The following CCNF variants were observed in gnomAD, a reference collection of about 807,000 sequenced individuals.
The protein encoded by CCNF is cyclin-F.
CCNF carries 30 observed loss-of-function variants against 85.4 expected under a neutral mutation model. The observed-to-expected ratio is 0.35, with a 90% CI of 0.26 to 0.48. The LOEUF (loss-of-function observed/expected upper bound fraction) is 0.48, where lower values mean the gene tolerates loss of function less well. CCNF is among the 20% of genes least tolerant of loss of function. CCNF has a pLI of 0.99. For synonymous variants in CCNF, 439 were observed against 425.1 expected, an observed-to-expected ratio of 1.03 and a Z score of -0.40; for missense variants, 919 against 1,010.4, an observed-to-expected ratio of 0.91 and a Z score of 1.23.
At chr16:2,429,627 C>T (rs1234518356) in intron 1 of CCNF, 130 bp downstream of exon 1, 1 of 945,454 alleles carries the variant, frequency 1.1e-6, no homozygotes, top group East Asian at 3.6e-5. Context: ...CTCTTTAACC[C>T]GGGGCGGATG....
At chr16:2,432,815 TCA>T in intron 2 of CCNF, 144 bp from the exon 3 acceptor site, 1 of 560,094 alleles carries the variant, frequency 1.8e-6, no homozygotes, top group Non-Finnish European at 3.2e-6. Context: ...ACAGTTACTT[TCA>T]CACAGAGATT....
At chr16:2,439,562 C>A in intron 7 of CCNF, 105 bp downstream of exon 7, 1 of 959,992 alleles carries the variant, frequency 1.0e-6, no homozygotes, top group Non-Finnish European at 1.6e-6. Context: ...GTGGCTCTTG[C>A]TGCTCCCGGT....
At chr16:2,455,841 T>C (rs2065424420) in intron 16 of CCNF, among the ~76,000 whole-genome samples, 1 of 152,148 alleles carries the variant, frequency 6.6e-6, no homozygotes, top group African/African-American at 2.4e-5. Context: ...TGGGAGGACC[T>C]CACTAGGATG....
At chr16:2,443,092 TAG>T (rs2065341045) in intron 8 of CCNF, among the ~76,000 whole-genome samples, 4 of 44,228 alleles carry the variant, frequency 9.0e-5, no homozygotes, top group African/African-American at 7.8e-4. Flanking sequence ...TTATATATAA[TAG>T]ATATTTTTAT....
In CCNF at chr16:2,445,488, T is replaced by A; in HGVS notation, c.960T>A (p.Val320=). The change falls in exon 10 of 17, where the codon GTT becomes GTA. Residue 320 remains valine, a synonymous_variant. Coordinates refer to ENST00000397066, the MANE Select transcript of CCNF (RefSeq NM_001761.3). ...TTCTGATCGACTGGCTGGTGGAAGTTGCCACCATGAAGGACTTCACAAGCC... is the reference window on the plus strand; with the variant it reads ...TTCTGATCGACTGGCTGGTGGAAGTAGCCACCATGAAGGACTTCACAAGCC... The part of the protein sequence containing the change: ...RYILIDWLVE[V]ATMKDFTSLC... The A allele has an allele frequency of 6.2e-7, 1 of 1,614,010 alleles. No individual in the cohort carries two copies. Among genetic ancestry groups the A allele is most frequent in the Non-Finnish European group, 8.5e-7 (1 of 1,180,020 alleles).
intron 15 of CCNF, among the ~76,000 whole-genome samples, chr16:2,454,010 T>G (rs955557660): frequency 6.6e-6 from 1 of 152,164 alleles, no homozygotes; most frequent in Admixed American, 6.5e-5. Flanking sequence ...TAACTTCCTC[T>G]TTCTACCTCA....
chr16:2,431,865 C>G (rs1245789364), intron 2 of CCNF, among the ~76,000 whole-genome samples: 2 of 148,476 alleles, frequency 1.3e-5, no homozygotes, highest in African/African-American at 2.5e-5. Context: ...GAGTCTCGCT[C>G]TGCCACCCAG....
chr16:2,446,022 G>A (rs972431937), intron 10 of CCNF, among the ~76,000 whole-genome samples: 15 of 151,126 alleles, frequency 9.9e-5, no homozygotes, highest in Non-Finnish European at 2.2e-4. Flanking sequence ...AAGCCACTGC[G>A]CCTGGCCCTC....
At position 2,448,804 on chromosome 16, in the gene CCNF, C is replaced by G. The variant is rs1183964474; in HGVS notation, c.1095-51C>G. ...AAAGCCTTGGGTCCCTCCGCCCCACCCCTGCCCCAGGAAGTGGGCTCCACC... is the reference window on the plus strand; with the variant it reads ...AAAGCCTTGGGTCCCTCCGCCCCACGCCTGCCCCAGGAAGTGGGCTCCACC... On this transcript the variant is annotated intron_variant, in intron 10 of 16. Transcript: ENST00000397066. 8 of 1,589,640 alleles carry G rather than the reference C, an allele frequency of 5.0e-6. No homozygotes were observed. The South Asian group carries it at 8.9e-5, about 18-fold the overall frequency.
intron 4 of CCNF, chr16:2,436,257 C>T (rs556673919): frequency 2.0e-4 from 34 of 170,332 alleles, no homozygotes; most frequent in African/African-American, 7.4e-4. Context: ...CAGAGTTCAG[C>T]GTGCCCTGTA....
rs760058825 is a variant in CCNF at position 2,457,163 on chromosome 16, G to A, written c.*143G>A. The A allele has an allele frequency of 2.9e-5, 18 of 614,338 alleles. No homozygotes were observed. The highest frequency in any genetic ancestry group is 5.6e-5 in the African/African-American group (3 of 54,030). 38.1% of individuals were successfully genotyped at this position (614,338 alleles called of 1,614,324 possible). ...GATGACTTGCGGCCACCAAGTTTCT[G>A]TCTCCGCGGGAGTCCCGTGCAAGCC... On this transcript the variant is annotated 3_prime_UTR_variant, in exon 17 of 17. Coordinates refer to ENST00000397066, the MANE Select transcript of CCNF (RefSeq NM_001761.3).
chr16:2,449,773 T>TCCATCCCCC, intron 12 of CCNF, 55 bp from the exon 13 acceptor site: 1 of 669,300 alleles, frequency 1.5e-6, no homozygotes, highest in Non-Finnish European at 2.6e-6. Context: ...CTCCGTCCCC[T>TCCATCCCCC]CCATCCCCTC....
chr16:2,440,912 G>A (rs2065317607), intron 8 of CCNF, among the ~76,000 whole-genome samples: 1 of 152,112 alleles, frequency 6.6e-6, no homozygotes, highest in African/African-American at 2.4e-5. Context: ...AACATAGTGA[G>A]ACTCCATCTC....
intron 3 of CCNF, among the ~76,000 whole-genome samples, chr16:2,434,380 CA>C (rs2065277242): frequency 6.6e-6 from 1 of 152,086 alleles, no homozygotes; most frequent in African/African-American, 2.4e-5. Flanking sequence ...TTTGGGAGAC[CA>C]AGGCGGGCGG....
Position 2,449,348 on chromosome 16 carries a change from C to A in CCNF, c.1285C>A (p.His429Asn). Reference sequence around the variant, plus strand: ...AGTCCCTGTGGAGCTGAGAACCCAGCACCTGTGCAGCTTCCTCTGCGAGCT... The same window carrying A: ...AGTCCCTGTGGAGCTGAGAACCCAGAACCTGTGCAGCTTCCTCTGCGAGCT... Reference protein sequence around the residue: ...TLVPVELRTQHLCSFLCELSL... With the variant: ...TLVPVELRTQNLCSFLCELSL... The change falls in exon 12 of 17, where the codon CAC becomes AAC. Residue 429 changes from histidine to asparagine, a missense_variant. Around this residue, in one of 3 missense-constraint regions of CCNF, gnomAD observed 505 missense variants for 514.8 expected, o/e 0.98. Coordinates refer to ENST00000397066, the MANE Select transcript of CCNF (RefSeq NM_001761.3). 6.2e-7 allele frequency: 1 copy of A among 1,613,808 alleles called. No individual in the cohort carries two copies. Among genetic ancestry groups the A allele is most frequent in the Non-Finnish European group, 8.5e-7 (1 of 1,179,982 alleles).
At chr16:2,448,332 A>G (rs1031623053) in intron 10 of CCNF, among the ~76,000 whole-genome samples, 1 of 152,208 alleles carries the variant, frequency 6.6e-6, no homozygotes, top group Non-Finnish European at 1.5e-5. Context: ...TCTGCCTAAC[A>G]GCCTTGCTGC....
In CCNF at chr16:2,453,142, C is replaced by A; in HGVS notation, c.1488-68C>A. On this transcript the variant is annotated intron_variant, in intron 13 of 16. Transcript: ENST00000397066. The surrounding 1 kb of genome is among the most constrained non-coding windows in gnomAD (Gnocchi z 5.6). ...CATTTTGCATTCTCATTGCTCACTT[C>A]AGTGAACTGAAGCTAAAAATGGGGT... The A allele has an allele frequency of 2.2e-6, 3 of 1,351,534 alleles. No individual in the cohort carries two copies. The highest frequency in any genetic ancestry group is 3.2e-6 in the Non-Finnish European group (3 of 942,208). 83.7% of individuals were successfully genotyped at this position (1,351,534 alleles called of 1,614,324 possible).
At chr16:2,455,672 GCA>G (rs1359229120) in intron 16 of CCNF, 108 bp downstream of exon 16, 6 of 1,439,042 alleles carry the variant, frequency 4.2e-6, no homozygotes, top group Middle Eastern at 2.6e-4. Context: ...AGGAAGATGT[GCA>G]CAGAGTGCGG....
At chr16:2,445,318 C>T in intron 9 of CCNF, 140 bp from the exon 10 acceptor site, 2 of 989,662 alleles carry the variant, frequency 2.0e-6, no homozygotes, top group Non-Finnish European at 3.0e-6. Context: ...CATGGCCTCT[C>T]CAGCCTTGGT....
Sources: gnomAD v4.1 joint callset for allele counts (sites outside exome capture counted in the v4.1 genomes callset) on GRCh38, gnomAD v4.1.1 for gene constraint, gnomAD v4.1.1 regional missense constraint, Gnocchi (gnomAD v3.1) non-coding constraint, MANE v1.5 for transcripts, NCBI Gene and HGNC (gene_info 2026-07-23, HGNC 2026-07-21) for gene names.